The following TRRAP variants were observed in gnomAD, a reference collection of about 807,000 sequenced individuals.
TRRAP encodes the protein transformation/transcription domain associated protein.
TRRAP carries 41 observed loss-of-function variants against 438.8 expected under a neutral mutation model. The ratio of observed to expected loss-of-function variants is 0.09; its 90% confidence interval spans 0.07 to 0.12. TRRAP has a LOEUF of 0.12. Ranked by LOEUF, TRRAP falls within the 10% of genes least tolerant of loss-of-function variation. TRRAP has a pLI of 1.00. For missense variants in TRRAP, 3,122 were observed against 5,055.1 expected (o/e 0.62, Z 11.60); for synonymous variants, 1,994 against 1,962.9 (o/e 1.02, Z -0.42).
intron 57 of TRRAP, 115 bp downstream of exon 57, chr7:98,978,438 C>T: frequency 1.1e-6 from 1 of 945,840 alleles, no homozygotes; most frequent in South Asian, 1.6e-5. Context: ...TACTTTATGG[C>T]CACATAAAGA....
chr7:98,925,315 TG>T, intron 22 of TRRAP, 52 bp downstream of exon 22: 1 of 1,592,986 alleles, frequency 6.3e-7, no homozygotes, highest in Non-Finnish European at 8.6e-7. Flanking sequence ...TTTTAGGAAT[TG>T]GGGCTGCAGA....
At position 98,892,409 on chromosome 7, in the gene TRRAP, A is replaced by C; in HGVS notation, c.262-15A>C. ...AGTATTTTTATCCTTACATTTATTT[A>C]TTTTTTCTTGCCAGCAACTGCGGAA... is the stretch of plus-strand genomic sequence containing the variant. On this transcript the variant is annotated splice_polypyrimidine_tract_variant and intron_variant, in intron 4 of 72. Transcript: ENST00000456197. 6.3e-7 allele frequency: 1 copy of C among 1,596,940 alleles called. No individual in the cohort carries two copies. The highest frequency in any genetic ancestry group is 8.6e-7 in the Non-Finnish European group (1 of 1,166,342).
chr7:98,912,388 T>A (rs1584301622), intron 18 of TRRAP, among the ~76,000 whole-genome samples, 175 bp downstream of exon 18: 1 of 12 alleles, frequency 0.083, no homozygotes, highest in African/African-American at 0.12. Context: ...TGTGCCTGGC[T>A]TTTTTTTTTT....
Position 98,965,878 on chromosome 7 carries a change from C to G in TRRAP, c.7159C>G (p.Pro2387Ala). 6.2e-7 allele frequency: 1 copy of G among 1,614,164 alleles called. No individual in the cohort carries two copies. Among genetic ancestry groups the G allele is most frequent in the Non-Finnish European group, 8.5e-7 (1 of 1,180,032 alleles). ...GGAAGAATGGGTCAAGAATAACTCCCCAATGGCAGCCAATCAGGTGAGCTG... is the reference window on the plus strand; with the variant it reads ...GGAAGAATGGGTCAAGAATAACTCCGCAATGGCAGCCAATCAGGTGAGCTG... ...IVEEWVKNNS[P>A]MAANQTPTLR... Residue 2387 changes from proline to alanine, a missense_variant, in exon 49 of 73, where the codon CCA (proline) becomes GCA (alanine). By Grantham distance (27) the Pro-to-Ala change is conservative (BLOSUM62 -1). Coordinates refer to ENST00000456197, the MANE Select transcript of TRRAP (RefSeq NM_001375524.1).
Position 98,976,922 on chromosome 7 carries a change from T to G in TRRAP, c.8248-17T>G, listed in dbSNP as rs776093206. 103 of 1,613,752 alleles carry G rather than the reference T, an allele frequency of 6.4e-5. No homozygotes were observed. The highest frequency in any genetic ancestry group is 8.4e-5 in the Non-Finnish European group (99 of 1,179,956). On this transcript the variant is annotated splice_polypyrimidine_tract_variant and intron_variant, in intron 55 of 72. Transcript: ENST00000456197. The surrounding 1 kb of genome is among the most constrained non-coding windows in gnomAD (Gnocchi z 4.6). ...TCTCTGTCTCAAGCACTCAGGAACC[T>G]TACTTTGTGTTTTCAGGAGATACTG...
rs219806 is a variant in TRRAP, at chr7:98,984,803, C to A, written c.9289-141C>A. 1.4e-3 allele frequency: 733 copies of A among 535,254 alleles called. 7 individuals carry two copies. Among genetic ancestry groups the A allele is most frequent in the African/African-American group, 0.013 (676 of 52,740 alleles). The allele number at this position is 535,254 out of a possible 1,614,324, so 33.2% of individuals were successfully genotyped here. A position where few individuals can be genotyped will look rare whatever the true frequency, so the allele number is the denominator to read the frequency against. On this transcript the variant is annotated intron_variant, in intron 61 of 72. Coordinates refer to ENST00000456197, the MANE Select transcript of TRRAP (RefSeq NM_001375524.1). Reference sequence around the variant, plus strand: ...TTCTGAACGTCAATCAATAAATATTCATGGTAGGCAAATCTTTTGTCAATT... The same window carrying A: ...TTCTGAACGTCAATCAATAAATATTAATGGTAGGCAAATCTTTTGTCAATT...
Position 98,890,408 on chromosome 7 carries a change from A to G in TRRAP, c.224A>G (p.Asp75Gly). 3 of 1,604,706 alleles carry G rather than the reference A, an allele frequency of 1.9e-6. No individual in the cohort carries two copies. The highest frequency in any genetic ancestry group is 1.1e-5 in the South Asian group (1 of 88,514). ...CCTCGATTCCTTACATTTCTCCAAG[A>G]TGGAGAAGTTCAGTTTCTTCAGGAG... Reference protein sequence around the residue: ...IIPRFLTFLQDGEVQFLQEKP... With the variant: ...IIPRFLTFLQGGEVQFLQEKP... Residue 75 changes from aspartate (D) to glycine (G), a missense_variant, in exon 4 of 73, where the codon GAT becomes GGT. Coordinates refer to ENST00000456197, the MANE Select transcript of TRRAP (RefSeq NM_001375524.1).
At chr7:99,007,081 G>A (rs1241955458) in intron 69 of TRRAP, among the ~76,000 whole-genome samples, 1 of 152,222 alleles carries the variant, frequency 6.6e-6, no homozygotes, top group African/African-American at 2.4e-5. Context: ...ACAGAGTACT[G>A]GTCACCATGT....
At chr7:98,958,153 C>A in intron 44 of TRRAP, 62 bp downstream of exon 44, 1 of 1,403,646 alleles carries the variant, frequency 7.1e-7, no homozygotes, top group Non-Finnish European at 9.8e-7. Flanking sequence ...GACTAACACC[C>A]CAGGAGGTTA....
chr7:98,910,223 A>ACCCCCCCCCCCC lies in TRRAP; in HGVS notation c.1520_1521insCCCCCCCCCCCC (p.Pro512_Pro515dup). The ACCCCCCCCCCCC allele has an allele frequency of 3.9e-6, 1 of 257,398 alleles. No individual in the cohort carries two copies. Among genetic ancestry groups the ACCCCCCCCCCCC allele is most frequent in the Non-Finnish European group, 6.0e-6 (1 of 166,688 alleles). The allele number at this position is 257,398 out of a possible 1,614,324, so 15.9% of individuals were successfully genotyped here. ...CCTCCCCAGCCCCTGTCCCTGCCCC[A>ACCCCCCCCCCCC]CCTCCACCCCCGCCCCCACCCCCAC... On this transcript the variant is annotated inframe_insertion, in exon 15 of 73. Transcript: ENST00000456197.
chr7:98,945,655 AC>A (rs1791018765), intron 31 of TRRAP, 91 bp from the exon 32 acceptor site: 8 of 1,442,294 alleles, frequency 5.5e-6, no homozygotes, highest in Non-Finnish European at 7.5e-6. Context: ...TGTCTTGTTA[AC>A]CCCAATAACC....
intron 13 of TRRAP, 77 bp downstream of exon 13, chr7:98,906,332 T>C: frequency 8.3e-7 from 1 of 1,211,494 alleles, no homozygotes; most frequent in Non-Finnish European, 1.2e-6. Flanking sequence ...GTTACAAGTG[T>C]TTCAATGAAC....
At chr7:98,977,690 C>A (rs1562968663) in intron 56 of TRRAP, among the ~76,000 whole-genome samples, 1 of 152,230 alleles carries the variant, frequency 6.6e-6, no homozygotes, top group Non-Finnish European at 1.5e-5. Context: ...GTCTGCCCTT[C>A]AGTGTGGCTC....
At position 98,994,569 on chromosome 7, in the gene TRRAP, C is replaced by T; in HGVS notation, c.10048-18C>T. The T allele has an allele frequency of 6.2e-7, 1 of 1,613,468 alleles. No homozygotes were observed. Among genetic ancestry groups the T allele is most frequent in the Middle Eastern group, 1.7e-4 (1 of 5,762 alleles). ...GGAGGGCTGTGTTTGTCAGTTGTCT[C>T]TGGCTCTTTTCTACCAGGTTCTCAG... On this transcript the variant is annotated intron_variant, in intron 66 of 72. Transcript: ENST00000456197. The surrounding 1 kb of genome is among the most constrained non-coding windows in gnomAD (Gnocchi z 4.8).
intron 26 of TRRAP, among the ~76,000 whole-genome samples, chr7:98,931,908 CTTTT>C: frequency 2.6e-5 from 4 of 151,580 alleles, no homozygotes; most frequent in Admixed American, 2.6e-4. Context: ...TTTATTTTTT[CTTTT>C]TTAAAGCTTT....
chr7:98,981,620 C>A, intron 58 of TRRAP, 149 bp from the exon 59 acceptor site: 1 of 779,730 alleles, frequency 1.3e-6, no homozygotes, highest in Non-Finnish European at 2.0e-6. Flanking sequence ...CGCATGACTT[C>A]TCTAAAGAAA....
At chr7:98,923,234 C>T (rs1346240799) in intron 21 of TRRAP, among the ~76,000 whole-genome samples, 1 of 152,178 alleles carries the variant, frequency 6.6e-6, no homozygotes, top group African/African-American at 2.4e-5. Context: ...TCCCCCCACC[C>T]CCAAAAAATT....
intron 21 of TRRAP, among the ~76,000 whole-genome samples, chr7:98,922,765 G>C (rs1027065424): frequency 1.6e-4 from 24 of 152,002 alleles, no homozygotes; most frequent in Admixed American, 1.2e-3. Context: ...GCCTCTTGCA[G>C]ATCTGATCTT....
Position 98,961,298 on chromosome 7 carries a change from C to T in TRRAP, c.6527C>T (p.Thr2176Met), listed in dbSNP as rs764256768. Residue 2176 changes from threonine to methionine, a missense_variant, in exon 46 of 73, where the codon ACG (threonine) becomes ATG (methionine). Around this residue, in one of 24 missense-constraint regions of TRRAP, gnomAD observed 992 missense variants for 1,281.2 expected, o/e 0.77. Transcript: ENST00000456197. ...CAAGTGAACTATGGGAATATCTGCACGGGCCTAGAAGTGCTGAGCTTCCTG... is the reference window on the plus strand; with the variant it reads ...CAAGTGAACTATGGGAATATCTGCATGGGCCTAGAAGTGCTGAGCTTCCTG... Reference protein sequence around the residue: ...PNQVNYGNICTGLEVLSFLLT... With the variant: ...PNQVNYGNICMGLEVLSFLLT... 1.2e-5 allele frequency: 20 copies of T among 1,614,078 alleles called. No individual in the cohort carries two copies. Among genetic ancestry groups the T allele is most frequent in the African/African-American group, 6.7e-5 (5 of 74,926 alleles).
Sources: allele counts gnomAD v4.1 joint callset (sites outside exome capture counted in the v4.1 genomes callset), GRCh38; gene constraint gnomAD v4.1.1; regional missense constraint gnomAD v4.1.1; non-coding constraint Gnocchi (gnomAD v3.1); transcripts MANE v1.5; gene names NCBI Gene and HGNC (gene_info 2026-07-23, HGNC 2026-07-21).